The following GYS1 variants were observed in gnomAD, a reference collection of about 807,000 sequenced individuals.
The protein encoded by GYS1 is glycogen [starch] synthase, muscle.
Under a neutral mutation model 89.1 loss-of-function variants are expected in GYS1, and 60 were observed. That is an observed-to-expected ratio of 0.67 (90% confidence interval 0.55 to 0.84). GYS1 has a LOEUF of 0.84. Among genes scored for constraint, GYS1 ranks in the 40% least tolerant of loss-of-function variants. GYS1 has a pLI of 0.00. For synonymous variants in GYS1, 366 were observed against 401.7 expected, an observed-to-expected ratio of 0.91 and a Z score of 1.06; for missense variants, 888 against 1,003.1, an observed-to-expected ratio of 0.89 and a Z score of 1.55.
intron 2 of GYS1, among the ~76,000 whole-genome samples, chr19:48,990,984 G>A (rs1011964328): frequency 3.9e-5 from 6 of 152,164 alleles, no homozygotes; most frequent in African/African-American, 1.4e-4. Context: ...TGGTAGAGAC[G>A]GGGTTTCGCC....
chr19:48,974,777 A>T, intron 10 of GYS1, 44 bp from the exon 11 acceptor site: 1 of 1,332,782 alleles, frequency 7.5e-7, no homozygotes, highest in South Asian at 1.2e-5. Flanking sequence ...GAAGGGACAG[A>T]GAACTCCCTA....
chr19:48,981,726 C>T (rs553521931), intron 7 of GYS1, 90 bp from the exon 8 acceptor site: 136 of 798,640 alleles, frequency 1.7e-4, no homozygotes, highest in Admixed American at 1.5e-3. Context: ...TGGGATCCTG[C>T]CATACCCATT....
In GYS1 at chr19:48,992,747, G is replaced by A. The variant is rs564717888; in HGVS notation, c.118+248C>T. On this transcript the variant is annotated intron_variant, in intron 1 of 15. Coordinates refer to ENST00000323798, the MANE Select transcript of GYS1 (RefSeq NM_002103.5). ...TCGGAAGCCTGCCTCCAGGACCTAG[G>A]AGTCTCATTTTAGCGCCCTCTTCCC... Among the ~76,000 whole-genome samples the A allele has an allele frequency of 1.1e-4, 16 of 152,176 alleles. No homozygotes were observed. The South Asian group carries it at 3.1e-3, about 30-fold the overall frequency.
rs2038498235 is a variant in GYS1 at position 48,968,660 on chromosome 19, A to AG, written c.*627dup. 1 of 454,060 alleles carries AG rather than the reference A, an allele frequency of 2.2e-6. No individual in the cohort carries two copies. The highest frequency in any genetic ancestry group is 2.4e-5 in the Admixed American group (1 of 42,548). 28.1% of individuals were successfully genotyped at this position (454,060 alleles called of 1,614,324 possible). A position where few individuals can be genotyped will look rare whatever the true frequency, so the allele number is the denominator to read the frequency against. On this transcript the variant is annotated 3_prime_UTR_variant, in exon 16 of 16. Coordinates refer to ENST00000323798, the MANE Select transcript of GYS1 (RefSeq NM_002103.5). ...ACCACCTCTTGCTTGGCCAAAGTGT[A>AG]GGGGATGACAGGAGCCGGATGGAGG... is the stretch of plus-strand genomic sequence containing the variant.
rs774356926 is a variant in GYS1, at chr19:48,985,592, T to C, written c.692A>G (p.Lys231Arg). The change falls in exon 5 of 16, where the codon AAG (lysine) becomes AGG (arginine). Residue 231 changes from lysine (K) to arginine (R), a missense_variant. By Grantham distance (26) the Lys-to-Arg change is conservative. Coordinates refer to ENST00000323798, the MANE Select transcript of GYS1 (RefSeq NM_002103.5). ...GTAGATCTGCCTCTCCCCTGCTTCCTTGTCCACGTTGAACTGGGTGGGAGG... is the reference window on the plus strand; with the variant it reads ...GTAGATCTGCCTCTCCCCTGCTTCCCTGTCCACGTTGAACTGGGTGGGAGG... ...YNNLENFNVD[K>R]EAGERQIYHR... is the part of the protein sequence containing the mutation. 1 of 1,614,150 alleles carries C rather than the reference T, an allele frequency of 6.2e-7. No individual in the cohort carries two copies. Among genetic ancestry groups the C allele is most frequent in the South Asian group, 1.1e-5 (1 of 91,086 alleles).
At chr19:48,972,333 C>CAA (rs779421115) in intron 12 of GYS1, among the ~76,000 whole-genome samples, 1 of 130,546 alleles carries the variant, frequency 7.7e-6, no homozygotes. Flanking sequence ...GACTCTGTCT[C>CAA]AAAAAAAAAA....
Position 48,991,555 on chromosome 19 carries a change from C to G in GYS1, c.119-72G>C, listed in dbSNP as rs2303049. 4.4e-3 allele frequency: 3,599 copies of G among 812,276 alleles called. No individual in the cohort carries two copies. The highest frequency in any genetic ancestry group is 6.2e-3 in the Non-Finnish European group (3,093 of 498,650). 50.3% of individuals were successfully genotyped at this position (812,276 alleles called of 1,614,324 possible). Reference sequence around the variant, plus strand: ...TTCTGGGGCCTGGGGTGGGGTGGGCCGGGGATGTAGGGGGCACTCAGGCCC... The same window carrying G: ...TTCTGGGGCCTGGGGTGGGGTGGGCGGGGGATGTAGGGGGCACTCAGGCCC... On this transcript the variant is annotated intron_variant, in intron 1 of 15. Transcript: ENST00000323798. This position sits in a 1 kb window ranked among gnomAD's most constrained non-coding sequence, Gnocchi z 4.7.
At chr19:48,983,553 A>G (rs905212755) in intron 5 of GYS1, among the ~76,000 whole-genome samples, 26 of 152,160 alleles carry the variant, frequency 1.7e-4, no homozygotes, top group African/African-American at 6.3e-4. Context: ...CAGGGACCCA[A>G]TCATTTCTTC....
At chr19:48,979,646 C>CTT (rs56291141) in intron 8 of GYS1, among the ~76,000 whole-genome samples, 28 of 114,952 alleles carry the variant, frequency 2.4e-4, no homozygotes, top group Admixed American at 3.8e-4. Flanking sequence ...CTCTTTCTTT[C>CTT]TTTTTTTTTT....
Position 48,991,763 on chromosome 19 carries a change from G to C in GYS1, c.119-280C>G, listed in dbSNP as rs1046594792. Among the ~76,000 whole-genome samples the C allele has an allele frequency of 6.6e-6, 1 of 152,132 alleles. No individual in the cohort carries two copies. The highest frequency in any genetic ancestry group is 6.5e-5 in the Admixed American group (1 of 15,272). On this transcript the variant is annotated intron_variant, in intron 1 of 15. Coordinates refer to ENST00000323798, the MANE Select transcript of GYS1 (RefSeq NM_002103.5). The surrounding 1 kb of genome is among the most constrained non-coding windows in gnomAD (Gnocchi z 4.7). ...AGGCTAGACTTCTGGGTCTGAGAGAGAAGGGGCTGGGTGCCGGGACCCCTT... is the reference window on the plus strand; with the variant it reads ...AGGCTAGACTTCTGGGTCTGAGAGACAAGGGGCTGGGTGCCGGGACCCCTT...
At position 48,970,928 on chromosome 19, in the gene GYS1, C is replaced by G. The variant is rs764351612; in HGVS notation, c.1645G>C (p.Gly549Arg). The change falls in exon 13 of 16, where the codon GGT becomes CGT. Residue 549 changes from glycine to arginine, a missense_variant and splice_region_variant. By Grantham distance (125) the Gly-to-Arg change is moderately radical (BLOSUM62 -2). Coordinates refer to ENST00000323798, the MANE Select transcript of GYS1 (RefSeq NM_002103.5). ...EEHIADPSAY[G>R]IYILDRRFRS... The stretch of plus-strand genomic sequence containing the variant: ...AATCCTCAGGGGCCTGGGCGCTGAC[C>G]GTAAGCTGAGGGGTCTGCGATGTGT... 1.7e-5 allele frequency: 28 copies of G among 1,610,806 alleles called. No individual in the cohort carries two copies. Among genetic ancestry groups the G allele is most frequent in the Non-Finnish European group, 2.4e-5 (28 of 1,177,038 alleles).
chr19:48,969,131 T>TG lies in GYS1; in HGVS notation c.*156dup, dbSNP rs1367146362. ...TTCTGGAGTGCAGGAACTTGGAAAC[T>TG]GGAGCTGGAGGGGGTGGAGTGTTTG... On this transcript the variant is annotated 3_prime_UTR_variant, in exon 16 of 16. Coordinates refer to ENST00000323798, the MANE Select transcript of GYS1 (RefSeq NM_002103.5). The TG allele has an allele frequency of 6.0e-6, 4 of 668,684 alleles. No homozygotes were observed. Among genetic ancestry groups the TG allele is most frequent in the Non-Finnish European group, 1.0e-5 (4 of 392,984 alleles). The allele number at this position is 668,684 out of a possible 1,614,324, so 41.4% of individuals were successfully genotyped here.
intron 2 of GYS1, among the ~76,000 whole-genome samples, chr19:48,989,178 G>A (rs919917518): frequency 6.6e-6 from 1 of 151,646 alleles, no homozygotes; most frequent in Admixed American, 6.6e-5. Flanking sequence ...CTGGAGTGCA[G>A]TGGTGCAATC....
At chr19:48,971,861 C>CTT (rs540518757) in intron 12 of GYS1, among the ~76,000 whole-genome samples, 17 of 137,948 alleles carry the variant, frequency 1.2e-4, no homozygotes, top group Non-Finnish European at 1.6e-4. Flanking sequence ...TGGCCCAATG[C>CTT]TTTTTTTTTT....
In GYS1 at chr19:48,991,297, C is replaced by G; in HGVS notation, c.300+5G>C. ...GCTTCTGCCCTGGGCTGGGCCACGTCCCACCTTGCAGCCCTTGCTGTTCAT... is the reference window on the plus strand; with the variant it reads ...GCTTCTGCCCTGGGCTGGGCCACGTGCCACCTTGCAGCCCTTGCTGTTCAT... On this transcript the variant is annotated splice_donor_5th_base_variant and intron_variant, in intron 2 of 15. Coordinates refer to ENST00000323798, the MANE Select transcript of GYS1 (RefSeq NM_002103.5). This position sits in a 1 kb window ranked among gnomAD's most constrained non-coding sequence, Gnocchi z 4.7. 1 of 1,613,492 alleles carries G rather than the reference C, an allele frequency of 6.2e-7. No individual in the cohort carries two copies. The highest frequency in any genetic ancestry group is 8.5e-7 in the Non-Finnish European group (1 of 1,179,986).
Position 48,969,476 on chromosome 19 carries a change from C to A in GYS1, c.2026G>T (p.Asp676Tyr). The stretch of plus-strand genomic sequence containing the variant: ...TCCTTGGCGGCCTCCTCGTCCTCAT[C>A]GTAGCGCTCGCCGTCTTCCTCCAGC... ...GPLEEDGERY[D>Y]EDEEAAKDRR... Residue 676 changes from aspartate (D) to tyrosine (Y), a missense_variant, in exon 16 of 16, where the codon GAT (aspartate) becomes TAT (tyrosine). Asp to Tyr is a radical substitution (Grantham distance 160). Coordinates refer to ENST00000323798, the MANE Select transcript of GYS1 (RefSeq NM_002103.5). 6.5e-7 allele frequency: 1 copy of A among 1,545,176 alleles called. No individual in the cohort carries two copies.
intron 8 of GYS1, among the ~76,000 whole-genome samples, chr19:48,979,364 T>TTTTTTTTTTTTTTTTTTTTTTG (rs2038715555): frequency 1.9e-5 from 1 of 53,660 alleles, no homozygotes; most frequent in Non-Finnish European, 3.4e-5. Flanking sequence ...TTTTTTTTTT[T>TTTTTTTTTTTTTTTTTTTTTTG]TTTTTTTTTT....
At position 48,993,172 on chromosome 19, in the gene GYS1, G is replaced by T. The variant is rs746372311; in HGVS notation, c.-60C>A. 12 of 945,668 alleles carry T rather than the reference G, an allele frequency of 1.3e-5. No homozygotes were observed. The East Asian group carries it at 2.9e-4, about 23-fold the overall frequency. The allele number at this position is 945,668 out of a possible 1,614,324, so 58.6% of individuals were successfully genotyped here. A position where few individuals can be genotyped will look rare whatever the true frequency, so the allele number is the denominator to read the frequency against. On this transcript the variant is annotated 5_prime_UTR_variant, in exon 1 of 16. Transcript: ENST00000323798. ...AGGTAGGGACCCCGGAGGTGTCTAG[G>T]GAATGCACCAGGTAGGGTGCGGGGC...
At chr19:48,969,698 A>C (rs902144040) in intron 15 of GYS1, 77 bp downstream of exon 15, 1 of 1,573,676 alleles carries the variant, frequency 6.4e-7, no homozygotes, top group African/African-American at 1.4e-5. Context: ...AGGCCTTCCC[A>C]CTCCAGGAGG....
Sources: gnomAD v4.1 joint callset for allele counts (sites outside exome capture counted in the v4.1 genomes callset) on GRCh38, gnomAD v4.1.1 for gene constraint, Gnocchi (gnomAD v3.1) non-coding constraint, MANE v1.5 for transcripts, NCBI Gene and HGNC (gene_info 2026-07-23, HGNC 2026-07-21) for gene names.